The following AMER1 variants were observed in gnomAD, a reference collection of about 807,000 sequenced individuals.
AMER1 encodes RP11-403E24.2.
Under a neutral mutation model 53.0 loss-of-function variants are expected in AMER1, and 16 were observed. The observed-to-expected ratio is 0.30, with a 90% confidence interval of 0.20 to 0.46. The LOEUF (loss-of-function observed/expected upper bound fraction) is 0.46, where lower values mean the gene tolerates loss of function less well. AMER1 is among the 20% of genes least tolerant of loss of function. The pLI is 1.00. For synonymous variants in AMER1, 354 were observed against 331.9 expected (o/e 1.07, Z -0.73); for missense variants, 947 against 884.9 (o/e 1.07, Z -0.89).
chrX:64,193,098 C>A lies in AMER1; in HGVS notation c.189G>T (p.Lys63Asn), dbSNP rs750745643. The A allele has an allele frequency of 1.3e-5, 16 of 1,210,571 alleles. No homozygotes were observed. The highest frequency in any genetic ancestry group is 4.6e-4 in the Middle Eastern group (2 of 4,373). Reference protein sequence around the residue: ...KKTAMKLFGGKKGICTLPSFF... With the variant: ...KKTAMKLFGGNKGICTLPSFF... Reference sequence around the variant, plus strand: ...AACTAGGCAGAGTACAGATACCCTTCTTGCCACCAAAGAGTTTCATGGCAG... The same window carrying A: ...AACTAGGCAGAGTACAGATACCCTTATTGCCACCAAAGAGTTTCATGGCAG... Residue 63 changes from lysine to asparagine, a missense_variant, in exon 2 of 2, where the codon AAG (lysine) becomes AAT (asparagine). Physicochemically the swap from Lys to Asn is moderately conservative, Grantham distance 94 (BLOSUM62 0). Transcript: ENST00000374869.
chrX:64,197,689 T>A (rs1273666739), intron 1 of AMER1, among the ~76,000 whole-genome samples: 1 of 112,262 alleles, frequency 8.9e-6, no homozygotes, highest in Non-Finnish European at 1.9e-5. Flanking sequence ...CCCTTCTGTA[T>A]GTTGGGGAGG....
chrX:64,186,120 C>G lies in AMER1; in HGVS notation c.*3759G>C, dbSNP rs778556245. The G allele has an allele frequency of 2.5e-6, 3 of 1,207,940 alleles. No homozygotes were observed. In the South Asian group the frequency reaches 5.3e-5, roughly 21 times the overall value. ...AAGCCAGAAAATGACAAGCTGTCTACCAGGTCCCACACGCCTGAGTCACTT... is the reference window on the plus strand; with the variant it reads ...AAGCCAGAAAATGACAAGCTGTCTAGCAGGTCCCACACGCCTGAGTCACTT... On this transcript the variant is annotated 3_prime_UTR_variant, in exon 2 of 2. Transcript: ENST00000374869.
At chrX:64,201,269 C>G (rs1385801173) in intron 1 of AMER1, among the ~76,000 whole-genome samples, 1 of 111,376 alleles carries the variant, frequency 9.0e-6, no homozygotes, top group African/African-American at 3.3e-5. Context: ...GCTAGAAATA[C>G]ACTTACACAC....
chrX:64,201,501 T>C (rs1930489294), intron 1 of AMER1, among the ~76,000 whole-genome samples: 1 of 106,838 alleles, frequency 9.4e-6, no homozygotes, highest in African/African-American at 3.6e-5. Flanking sequence ...AAGGTTTAAC[T>C]ATAGCATGAC....
rs7886327 is a variant in AMER1, at chrX:64,200,982, G to A, written c.-99+4588C>T. 2.8e-3 allele frequency among the ~76,000 whole-genome samples: 317 copies of A among 111,463 alleles called. 1 individual carries two copies. Among genetic ancestry groups the A allele is most frequent in the African/African-American group, 0.01 (310 of 30,622 alleles). ...GGGTTGAGGCATACTCACTAGGGATGGAGGGTTAGTATCCACTTGGAAGCC... is the reference window on the plus strand; with the variant it reads ...GGGTTGAGGCATACTCACTAGGGATAGAGGGTTAGTATCCACTTGGAAGCC... On this transcript the variant is annotated intron_variant, in intron 1 of 1. Coordinates refer to ENST00000374869, the MANE Select transcript of AMER1 (RefSeq NM_152424.4).
At position 64,191,283 on chromosome X, in the gene AMER1, T is replaced by C; in HGVS notation, c.2004A>G (p.Ala668=). The change falls in exon 2 of 2, where the codon GCA becomes GCG. Residue 668 remains alanine (A), a synonymous_variant. Coordinates refer to ENST00000374869, the MANE Select transcript of AMER1 (RefSeq NM_152424.4). ...AAATCTGAGAGGTCCCTGATACCCC[T>C]GCTGCCAGGCCCATCACTGATGGGC... ...PLGPSVMGLA[A]GVSGTSQISH... is the part of the protein sequence containing the mutation. 8.3e-7 allele frequency: 1 copy of C among 1,211,760 alleles called. No homozygotes were observed. Among genetic ancestry groups the C allele is most frequent in the Non-Finnish European group, 1.1e-6 (1 of 895,460 alleles).
chrX:64,201,618 C>T (rs1309602336), intron 1 of AMER1, among the ~76,000 whole-genome samples: 1 of 111,959 alleles, frequency 8.9e-6, no homozygotes, highest in Non-Finnish European at 1.9e-5. Flanking sequence ...AACCCTTTAT[C>T]ACCCACTGTA....
chrX:64,191,761 T>C lies in AMER1; in HGVS notation c.1526A>G (p.Tyr509Cys), dbSNP rs368417121. Residue 509 changes from tyrosine to cysteine, a missense_variant, in exon 2 of 2, where the codon TAT becomes TGT. By Grantham distance (194) the Tyr-to-Cys change is radical. Coordinates refer to ENST00000374869, the MANE Select transcript of AMER1 (RefSeq NM_152424.4). Reference protein sequence around the residue: ...SYSGDALYEFYEPDDSLENSP... With the variant: ...SYSGDALYEFCEPDDSLENSP... ...GTTCTCAAGGCTGTCATCTGGCTCA[T>C]AGAACTCATATAGGGCATCTCCACT... 9.1e-6 allele frequency: 11 copies of C among 1,211,410 alleles called. No individual in the cohort carries two copies. Among genetic ancestry groups the C allele is most frequent in the African/African-American group, 1.7e-5 (1 of 57,717 alleles).
At position 64,189,575 on chromosome X, in the gene AMER1, C is replaced by A; in HGVS notation, c.*304G>T. On this transcript the variant is annotated 3_prime_UTR_variant, in exon 2 of 2. Transcript: ENST00000374869. ...ATATATATAATCACTAACTTGGCAA[C>A]TGGAATAGGCACAAAATTACAGCAT... is the stretch of plus-strand genomic sequence containing the variant. 1 of 748,468 alleles carries A rather than the reference C, an allele frequency of 1.3e-6. No individual in the cohort carries two copies. The highest frequency in any genetic ancestry group is 1.6e-6 in the Non-Finnish European group (1 of 637,921). The allele number at this position is 748,468 out of a possible 1,213,427, so 61.7% of individuals were successfully genotyped here.
Position 64,186,132 on chromosome X carries a change from C to T in AMER1, c.*3747G>A, listed in dbSNP as rs780325536. 16 of 1,208,050 alleles carry T rather than the reference C, an allele frequency of 1.3e-5. No individual in the cohort carries two copies. The highest frequency in any genetic ancestry group is 3.0e-5 in the East Asian group (1 of 33,709). On this transcript the variant is annotated 3_prime_UTR_variant, in exon 2 of 2. Transcript: ENST00000374869. The stretch of plus-strand genomic sequence containing the variant: ...GACAAGCTGTCTACCAGGTCCCACA[C>T]GCCTGAGTCACTTGGCGTTTGTCTT...
intron 1 of AMER1, among the ~76,000 whole-genome samples, chrX:64,204,458 C>A (rs956940570): frequency 1.8e-5 from 2 of 113,613 alleles, no homozygotes; most frequent in South Asian, 7.0e-4. Flanking sequence ...GGGAGCCAAG[C>A]AAAGTCCAGC....
At position 64,186,552 on chromosome X, in the gene AMER1, G is replaced by C; in HGVS notation, c.*3327C>G. The C allele has an allele frequency of 1.3e-6, 1 of 780,057 alleles. No individual in the cohort carries two copies. Among genetic ancestry groups the C allele is most frequent in the Non-Finnish European group, 1.5e-6 (1 of 654,747 alleles). 64.3% of individuals were successfully genotyped at this position (780,057 alleles called of 1,213,427 possible). ...TGGGCCTGGGGGCTGAGGGCAGGTG[G>C]GGTGGTGGCACTGGCACAGGTAAGG... On this transcript the variant is annotated 3_prime_UTR_variant, in exon 2 of 2. Coordinates refer to ENST00000374869, the MANE Select transcript of AMER1 (RefSeq NM_152424.4).
intron 1 of AMER1, among the ~76,000 whole-genome samples, chrX:64,200,082 G>C (rs1930454146): frequency 8.9e-6 from 1 of 112,753 alleles, no homozygotes; most frequent in South Asian, 3.6e-4. Flanking sequence ...TTGAATGACA[G>C]GGACTTTGGG....
In AMER1 at chrX:64,189,217, T is replaced by A. The variant is rs1930172168; in HGVS notation, c.*662A>T. The A allele has an allele frequency of 1.3e-6, 1 of 796,540 alleles. No individual in the cohort carries two copies. The highest frequency in any genetic ancestry group is 1.5e-6 in the Non-Finnish European group (1 of 666,407). The allele number at this position is 796,540 out of a possible 1,213,427, so 65.6% of individuals were successfully genotyped here. A position where few individuals can be genotyped will look rare whatever the true frequency, so the allele number is the denominator to read the frequency against. On this transcript the variant is annotated 3_prime_UTR_variant, in exon 2 of 2. Coordinates refer to ENST00000374869, the MANE Select transcript of AMER1 (RefSeq NM_152424.4). ...CCTCTCTAAGGACAGCTAGCTGGGA[T>A]GAATAGCTTATAGTCATCTGATATA...
rs1930240709 is a variant in AMER1, at chrX:64,191,380, C to T, written c.1907G>A (p.Arg636Lys). 1.7e-6 allele frequency: 2 copies of T among 1,211,861 alleles called. No homozygotes were observed. The highest frequency in any genetic ancestry group is 2.2e-6 in the Non-Finnish European group (2 of 895,493). The change falls in exon 2 of 2, where the codon AGA becomes AAA. Residue 636 changes from arginine (R) to lysine (K), a missense_variant. By Grantham distance (26) the Arg-to-Lys change is conservative (BLOSUM62 2). Coordinates refer to ENST00000374869, the MANE Select transcript of AMER1 (RefSeq NM_152424.4). ...CTGGGTCTCTCGGACTTGAGTCTCT[C>T]TACAACGAACCTCTCGGGCCTGGGC... ...REAQAREVRC[R>K]ETQVRETQAR...
chrX:64,190,292 T>C lies in AMER1; in HGVS notation c.2995A>G (p.Met999Val), dbSNP rs747124947. The change falls in exon 2 of 2, where the codon ATG (methionine) becomes GTG (valine). Residue 999 changes from methionine (M) to valine (V), a missense_variant. Physicochemically the swap from Met to Val is conservative, Grantham distance 21 (BLOSUM62 1). Coordinates refer to ENST00000374869, the MANE Select transcript of AMER1 (RefSeq NM_152424.4). ...ACTGATAGTGATATTGACATGGTCA[T>C]AGGAGGTATGCAACAGGTTGCCTGC... Reference protein sequence around the residue: ...YRQATCCIPPMTMSISLSVPE... With the variant: ...YRQATCCIPPVTMSISLSVPE... 23 of 1,210,262 alleles carry C rather than the reference T, an allele frequency of 1.9e-5. No homozygotes were observed. In the Admixed American group the frequency reaches 4.1e-4, roughly 22 times the overall value.
chrX:64,186,244 G>A lies in AMER1; in HGVS notation c.*3635C>T. On this transcript the variant is annotated 3_prime_UTR_variant, in exon 2 of 2. Coordinates refer to ENST00000374869, the MANE Select transcript of AMER1 (RefSeq NM_152424.4). ...GCTAAGGTAGGGAGAGGGGAAAGAG[G>A]GAGGGCCCTAGGCAGTTGAGATGCC... 8.5e-7 allele frequency: 1 copy of A among 1,173,069 alleles called. No individual in the cohort carries two copies. The highest frequency in any genetic ancestry group is 2.0e-5 in the South Asian group (1 of 51,258).
At position 64,189,793 on chromosome X, in the gene AMER1, A is replaced by ACAC; in HGVS notation, c.*85_*86insGTG. On this transcript the variant is annotated 3_prime_UTR_variant, in exon 2 of 2. Coordinates refer to ENST00000374869, the MANE Select transcript of AMER1 (RefSeq NM_152424.4). ...CAAAGGGTTTTCAAGTTAAACAACA[A>ACAC]CCCCCACCCCCCCACCCTTCTGCCC... is the stretch of plus-strand genomic sequence containing the variant. 2 of 292,074 alleles carry ACAC rather than the reference A, an allele frequency of 6.8e-6. No individual in the cohort carries two copies. The highest frequency in any genetic ancestry group is 6.5e-5 in the South Asian group (1 of 15,355). The allele number at this position is 292,074 out of a possible 1,213,427, so 24.1% of individuals were successfully genotyped here.
rs1163019569 is a variant in AMER1 at position 64,189,867 on chromosome X, A to G, written c.*12T>C. On this transcript the variant is annotated 3_prime_UTR_variant, in exon 2 of 2. Transcript: ENST00000374869. ...CTCAGGCCCCGTGTCCCTACTCCAG[A>G]ATTGATAATAACTACTTGGCTAGGT... 1 of 1,073,416 alleles carries G rather than the reference A, an allele frequency of 9.3e-7. No homozygotes were observed. Among genetic ancestry groups the G allele is most frequent in the Non-Finnish European group, 1.2e-6 (1 of 817,318 alleles). 88.5% of individuals were successfully genotyped at this position (1,073,416 alleles called of 1,213,427 possible).
Sources: gnomAD v4.1 joint callset for allele counts (sites outside exome capture counted in the v4.1 genomes callset) on GRCh38, gnomAD v4.1.1 for gene constraint, MANE v1.5 for transcripts, NCBI Gene and HGNC (gene_info 2026-07-23, HGNC 2026-07-21) for gene names.